Variants in TMEM181 observed in about 807,000 individuals in gnomAD.
The protein encoded by TMEM181 is transmembrane protein 181, also known as G protein-coupled receptor 178.
In TMEM181, 39 loss-of-function variants were observed where a neutral mutation model predicts 71.9. The observed-to-expected ratio is 0.54, with a 90% confidence interval of 0.42 to 0.71. The LOEUF is 0.71. Among genes scored for constraint, TMEM181 ranks in the 30% least tolerant of loss-of-function variants. The probability of loss-of-function intolerance (pLI) is 0.00; values close to 1 mark genes in which losing one functional copy is unlikely to be tolerated. For synonymous variants in TMEM181, 245 were observed against 228.8 expected (o/e 1.07, Z -0.64); for missense variants, 595 against 583.0 (o/e 1.02, Z -0.21).
rs772852789 is a variant in TMEM181, at chr6:158,536,799, G to A, written c.65G>A (p.Arg22Gln). 4.5e-6 allele frequency: 7 copies of A among 1,561,396 alleles called. No individual in the cohort carries two copies. The Admixed American group carries it at 1.2e-4, about 28-fold the overall frequency. ...AGCGAGCTCAAGCACCTGTGCCGGC[G>A]GCTGCGGGAAGCGTACCGCGAGCTC... The change falls in exon 1 of 17, where the codon CGG (arginine) becomes CAG (glutamine). Residue 22 changes from arginine (R) to glutamine (Q), a missense_variant. Physicochemically the swap from Arg to Gln is conservative, Grantham distance 43. Coordinates refer to the TMEM181 transcript ENST00000367090.
intron 10 of TMEM181, among the ~76,000 whole-genome samples, chr6:158,622,911 C>T (rs78841159): frequency 0.04 from 6,042 of 152,278 alleles, 355 homozygotes; most frequent in Admixed American, 0.18. Context: ...GCCCTATGCC[C>T]GCTCCCACGC....
chr6:158,562,460 G>GTA, intron 1 of TMEM181, among the ~76,000 whole-genome samples: 1 of 150,134 alleles, frequency 6.7e-6, no homozygotes, highest in East Asian at 1.9e-4. Context: ...GTGTGTGTGT[G>GTA]TGTGTGTGTG....
chr6:158,605,154 GTGTGTA>G (rs1554227513), intron 6 of TMEM181, 107 bp from the exon 7 acceptor site: 2 of 576,414 alleles, frequency 3.5e-6, no homozygotes. Context: ...GTGTGTGTGT[GTGTGTA>G]TGTGTATATA....
Position 158,633,712 on chromosome 6 carries a change from T to C in TMEM181, c.*1824T>C, listed in dbSNP as rs1034284405. 1 of 152,220 alleles carries C rather than the reference T, an allele frequency of 6.6e-6. No homozygotes were observed. 9.4% of individuals were successfully genotyped at this position (152,220 alleles called of 1,614,324 possible). On this transcript the variant is annotated 3_prime_UTR_variant, in exon 17 of 17. Transcript: ENST00000684151. The stretch of plus-strand genomic sequence containing the variant: ...ACTTTTAATATGGATTCTATTCACA[T>C]TTGTTTTAAAAACCTTGTAAATATG...
chr6:158,583,985 T>A lies in TMEM181; in HGVS notation c.200T>A (p.Leu67Gln). Residue 67 changes from leucine to glutamine, a missense_variant, in exon 4 of 17, where the codon CTG (leucine) becomes CAG (glutamine). By Grantham distance (113) the Leu-to-Gln change is moderately radical (BLOSUM62 -2). Transcript: ENST00000684151. ...CCAATTCAAATACTTTCAAATCCAC[T>A]GTCTACATACAATCAGCAACTATGG... ...LKPIQILSNP[L>Q]STYNQQLWLT... The A allele has an allele frequency of 6.2e-7, 1 of 1,609,848 alleles. No individual in the cohort carries two copies. The highest frequency in any genetic ancestry group is 8.5e-7 in the Non-Finnish European group (1 of 1,177,750).
chr6:158,546,131 A>G (rs562606564), intron 1 of TMEM181, among the ~76,000 whole-genome samples: 5 of 152,270 alleles, frequency 3.3e-5, no homozygotes, highest in South Asian at 2.1e-4. Context: ...ATTACTTCCT[A>G]TTCCATCTGG....
upstream of TMEM181, among the ~76,000 whole-genome samples, chr6:158,557,645 G>T (rs970983728): frequency 3.3e-5 from 5 of 152,076 alleles, no homozygotes; most frequent in Admixed American, 1.3e-4. Flanking sequence ...AGCCTCCCAA[G>T]TACCTGGGAT....
At position 158,573,414 on chromosome 6, in the gene TMEM181, C is replaced by T; in HGVS notation, c.9-6C>T. 1 of 1,571,068 alleles carries T rather than the reference C, an allele frequency of 6.4e-7. No homozygotes were observed. Among genetic ancestry groups the T allele is most frequent in the African/African-American group, 1.4e-5 (1 of 72,836 alleles). ...ACCGTCCCTCACTGCTGGCTTCTGC[C>T]CCCAGGCTGGCGCCCATGCGGCTCT... On this transcript the variant is annotated splice_polypyrimidine_tract_variant and splice_region_variant and intron_variant, in intron 1 of 16. Coordinates refer to ENST00000684151, the MANE Select transcript of TMEM181 (RefSeq NM_001376852.1).
chr6:158,567,781 C>T (rs757515765), intron 1 of TMEM181, among the ~76,000 whole-genome samples: 14 of 152,178 alleles, frequency 9.2e-5, no homozygotes, highest in Non-Finnish European at 1.8e-4. Flanking sequence ...TGAGCTTTCT[C>T]ATCTGAAAGG....
intron 11 of TMEM181, among the ~76,000 whole-genome samples, chr6:158,624,495 C>G (rs539624315): frequency 6.6e-6 from 1 of 152,358 alleles, no homozygotes; most frequent in Admixed American, 6.5e-5. Context: ...CTGTCCACCC[C>G]GCGGCCTGGC....
chr6:158,631,231 C>G (rs1583065113), intron 15 of TMEM181, 92 bp from the exon 16 acceptor site: 2 of 1,349,792 alleles, frequency 1.5e-6, no homozygotes, highest in Non-Finnish European at 1.1e-6. Flanking sequence ...CCAGTTCTTT[C>G]CAACTCCCTT....
chr6:158,607,957 C>T (rs1212827052), intron 8 of TMEM181, among the ~76,000 whole-genome samples: 1 of 152,278 alleles, frequency 6.6e-6, no homozygotes, highest in Non-Finnish European at 1.5e-5. Context: ...GCTTCCCGAG[C>T]TGCCGCAGTC....
intron 1 of TMEM181, among the ~76,000 whole-genome samples, chr6:158,566,746 TG>T (rs1185006042): frequency 6.6e-6 from 1 of 151,528 alleles, no homozygotes; most frequent in Non-Finnish European, 1.5e-5. Context: ...AGGGAGGTGA[TG>T]GTGAGGAGTT....
At chr6:158,597,405 C>T (rs1453276979) in intron 6 of TMEM181, among the ~76,000 whole-genome samples, 3 of 152,138 alleles carry the variant, frequency 2.0e-5, no homozygotes, top group South Asian at 2.1e-4. Flanking sequence ...GAGGGCTGTT[C>T]TCTGCCTTCC....
chr6:158,581,068 G>C (rs919739245), intron 3 of TMEM181, 73 bp downstream of exon 3: 3 of 1,439,242 alleles, frequency 2.1e-6, no homozygotes, highest in Non-Finnish European at 2.9e-6. Flanking sequence ...AAATGGTTCC[G>C]CTTAGAGTCT....
rs1583068093 is a variant in TMEM181 at position 158,633,931 on chromosome 6, A to G, written c.*2043A>G. 2 of 152,216 alleles carry G rather than the reference A, an allele frequency of 1.3e-5. No homozygotes were observed. Among genetic ancestry groups the G allele is most frequent in the African/African-American group, 4.8e-5 (2 of 41,452 alleles). The allele number at this position is 152,216 out of a possible 1,614,324, so 9.4% of individuals were successfully genotyped here. Reference sequence around the variant, plus strand: ...AACATATTCTGTGATATGGTTTACAACTTTTAATCATAATTGTCCATGATT... The same window carrying G: ...AACATATTCTGTGATATGGTTTACAGCTTTTAATCATAATTGTCCATGATT... On this transcript the variant is annotated 3_prime_UTR_variant, in exon 17 of 17. Coordinates refer to ENST00000684151, the MANE Select transcript of TMEM181 (RefSeq NM_001376852.1).
intron 10 of TMEM181, chr6:158,611,754 C>T (rs906631886): frequency 1.7e-5 from 4 of 234,834 alleles, no homozygotes; most frequent in African/African-American, 2.3e-5. Context: ...GGAAAAGCGG[C>T]TCAACAGTCA....
chr6:158,610,519 C>A, intron 10 of TMEM181: 1 of 404,592 alleles, frequency 2.5e-6, no homozygotes, highest in Admixed American at 4.5e-5. Context: ...CTAGGCTTGG[C>A]TCCCAGTGGC....
At chr6:158,580,767 C>G (rs568364211) in intron 2 of TMEM181, among the ~76,000 whole-genome samples, 173 bp from the exon 3 acceptor site, 8 of 152,042 alleles carry the variant, frequency 5.3e-5, no homozygotes, top group Non-Finnish European at 1.0e-4. Context: ...TATTCTGTGT[C>G]TGTGTTTGTG....
Sources: gnomAD v4.1 joint callset for allele counts (sites outside exome capture counted in the v4.1 genomes callset) on GRCh38, gnomAD v4.1.1 for gene constraint, MANE v1.5 for transcripts, NCBI Gene and HGNC (gene_info 2026-07-23, HGNC 2026-07-21) for gene names.